ZFPM1: variants seen among roughly 807,000 people sequenced by gnomAD.
ZFPM1 encodes the protein zinc finger protein, FOG family member 1, also known as zinc finger protein ZFPM1.
A neutral mutation model predicts 46.3 loss-of-function variants in ZFPM1; 28 were observed. The ratio of observed to expected loss-of-function variants is 0.60; its 90% CI spans 0.45 to 0.83. ZFPM1 has a LOEUF of 0.83. Among genes scored for constraint, ZFPM1 ranks in the 40% least tolerant of loss-of-function variants. ZFPM1 has a pLI of 0.00. For synonymous variants in ZFPM1, 957 were observed against 675.9 expected (o/e 1.42, Z -6.45); for missense variants, 1,878 against 1,432.4 (o/e 1.31, Z -5.02).
rs201427325 is a variant in ZFPM1, at chr16:88,528,103, G to A, written c.577G>A (p.Glu193Lys). The A allele has an allele frequency of 2.7e-5, 43 of 1,582,148 alleles. No individual in the cohort carries two copies. In the Admixed American group the frequency reaches 3.1e-4, roughly 11 times the overall value. The change falls in exon 6 of 10, where the codon GAG becomes AAG. Residue 193 changes from glutamate to lysine, a missense_variant. Transcript: ENST00000319555. The part of the protein sequence containing the change: ...GGLLSVLLTA[E>K]PHSTPGHPVK... ...ACTCCTGAGCGTGCTCCTCACGGCC[G>A]AGCCCCACAGCACCCCCGGCCACCC...
At position 88,497,332 on chromosome 16, in the gene ZFPM1, A is replaced by G. The variant is rs1909985859; in HGVS notation, c.268+8179A>G. 6.6e-6 allele frequency among the ~76,000 whole-genome samples: 1 copy of G among 152,080 alleles called. No homozygotes were observed. The highest frequency in any genetic ancestry group is 6.5e-5 in the Admixed American group (1 of 15,304). On this transcript the variant is annotated intron_variant, in intron 3 of 9. Coordinates refer to ENST00000319555, the MANE Select transcript of ZFPM1 (RefSeq NM_153813.3). This position sits in a 1 kb window ranked among gnomAD's most constrained non-coding sequence, Gnocchi z 5.4. ...CAGTAGAGTGGGGTCGGGTGTGCAC[A>G]AGGAGCTGGCTCAGGGCCTGAGTTT...
rs893955692 is a variant in ZFPM1, at chr16:88,526,843, C to T, written c.432C>T (p.Asp144=). ...CAGCCCTGACCCTGCTGCTGGTGGA[C>T]GAGGCCTGCTGGCTGAGGACGCTGC... ...PSPALTLLLV[D]EACWLRTLPQ... The change falls in exon 5 of 10, where the codon GAC becomes GAT. Residue 144 remains aspartate, a synonymous_variant. Transcript: ENST00000319555. The T allele has an allele frequency of 2.8e-5, 43 of 1,546,504 alleles. No homozygotes were observed. The highest frequency in any genetic ancestry group is 3.7e-5 in the Non-Finnish European group (42 of 1,143,766).
intron 4 of ZFPM1, among the ~76,000 whole-genome samples, chr16:88,522,598 T>C (rs1567551224): frequency 5.9e-5 from 9 of 152,226 alleles, no homozygotes; most frequent in Admixed American, 4.6e-4. Flanking sequence ...AGATAGGGTT[T>C]CCGATGGCTA....
chr16:88,458,559 C>A (rs74032875), intron 1 of ZFPM1, among the ~76,000 whole-genome samples: 52 of 152,352 alleles, frequency 3.4e-4, no homozygotes, highest in African/African-American at 1.2e-3. Context: ...CGTTCCTGGG[C>A]TTGACGGGCT....
chr16:88,473,974 G>A (rs1263657380), intron 1 of ZFPM1, among the ~76,000 whole-genome samples: 1 of 152,244 alleles, frequency 6.6e-6, no homozygotes, highest in Non-Finnish European at 1.5e-5. Context: ...TCTATCAGTG[G>A]CTATCAGGCC....
chr16:88,464,549 G>T (rs1908043798), intron 1 of ZFPM1, among the ~76,000 whole-genome samples: 1 of 143,370 alleles, frequency 7.0e-6, no homozygotes, highest in African/African-American at 3.0e-5. Context: ...TTGCTCATAG[G>T]CCCACACCCA....
At chr16:88,474,096 G>A (rs976080605) in intron 1 of ZFPM1, among the ~76,000 whole-genome samples, 8 of 152,226 alleles carry the variant, frequency 5.3e-5, no homozygotes, top group African/African-American at 1.9e-4. Flanking sequence ...CGCACCGATA[G>A]GATGTGGACT....
chr16:88,472,901 CG>C (rs147472709), intron 1 of ZFPM1, among the ~76,000 whole-genome samples: 1,629 of 152,372 alleles, frequency 0.011, 21 homozygotes, highest in African/African-American at 0.037. Flanking sequence ...TGGTTTCAGG[CG>C]GGGCAGCAGG....
intron 3 of ZFPM1, among the ~76,000 whole-genome samples, chr16:88,510,183 G>A (rs932981422): frequency 2.0e-5 from 3 of 152,170 alleles, no homozygotes; most frequent in African/African-American, 7.2e-5. Flanking sequence ...GGTAAACTGA[G>A]GCTCAGAGCA....
chr16:88,470,295 C>T (rs1000719344), intron 1 of ZFPM1, among the ~76,000 whole-genome samples: 1 of 152,190 alleles, frequency 6.6e-6, no homozygotes, highest in Admixed American at 6.5e-5. Flanking sequence ...GGCGGGCAGC[C>T]TCTGGATGCC....
chr16:88,500,775 C>G (rs950096658), intron 3 of ZFPM1, among the ~76,000 whole-genome samples: 1 of 152,252 alleles, frequency 6.6e-6, no homozygotes, highest in African/African-American at 2.4e-5. Context: ...CCTGGGGCTG[C>G]TGGGGCAGGG....
At chr16:88,530,780 A>G (rs915314342) in intron 6 of ZFPM1, among the ~76,000 whole-genome samples, 8 of 152,224 alleles carry the variant, frequency 5.3e-5, no homozygotes, top group African/African-American at 1.9e-4. Flanking sequence ...CAGGTCTGGG[A>G]CCCAGCTCAA....
At chr16:88,522,825 C>G (rs1020180426) in intron 4 of ZFPM1, among the ~76,000 whole-genome samples, 2 of 152,200 alleles carry the variant, frequency 1.3e-5, no homozygotes, top group African/African-American at 2.4e-5. Flanking sequence ...GGTGCCGAGC[C>G]TGTGGCACCC....
At chr16:88,453,131 G>C (rs979663910), upstream of ZFPM1, among the ~76,000 whole-genome samples, 3 of 150,030 alleles carry the variant, frequency 2.0e-5, no homozygotes, top group African/African-American at 7.3e-5. Context: ...CGAAGAGCCG[G>C]GCTGGCGGGG....
intron 1 of ZFPM1, among the ~76,000 whole-genome samples, chr16:88,481,101 G>A (rs1171008404): frequency 6.6e-6 from 1 of 152,232 alleles, no homozygotes; most frequent in Non-Finnish European, 1.5e-5. Context: ...TTCCATTTCG[G>A]CGTCCGGCTT....
chr16:88,532,574 A>G, intron 7 of ZFPM1, 40 bp from the exon 8 acceptor site: 1 of 1,541,302 alleles, frequency 6.5e-7, no homozygotes, highest in Non-Finnish European at 8.8e-7. Context: ...CCCAAGGTTA[A>G]GCTGGCCCGG....
chr16:88,504,479 C>A lies in ZFPM1; in HGVS notation c.269-9908C>A, dbSNP rs1337879851. Reference sequence around the variant, plus strand: ...CCAGGGTGTTTAGCCTTCCAGAAGCCCAGAGAGGCCGCCAATCTCCCAGCT... The same window carrying A: ...CCAGGGTGTTTAGCCTTCCAGAAGCACAGAGAGGCCGCCAATCTCCCAGCT... On this transcript the variant is annotated intron_variant, in intron 3 of 9. Transcript: ENST00000319555. Among the ~76,000 whole-genome samples, 3 of 152,048 alleles carry A rather than the reference C, an allele frequency of 2.0e-5. No homozygotes were observed. The East Asian group carries it at 5.8e-4, about 29-fold the overall frequency.
chr16:88,478,279 C>T (rs1030853494), intron 1 of ZFPM1, among the ~76,000 whole-genome samples: 9 of 152,198 alleles, frequency 5.9e-5, no homozygotes, highest in Admixed American at 5.2e-4. Flanking sequence ...TCTAGTAAGC[C>T]GCACCCTCAC....
intron 3 of ZFPM1, among the ~76,000 whole-genome samples, chr16:88,496,240 G>A (rs1269536177): frequency 6.6e-6 from 1 of 152,176 alleles, no homozygotes; most frequent in African/African-American, 2.4e-5. Context: ...CTGGGCAGAG[G>A]TGAGAGGCCC....
Sources: allele counts gnomAD v4.1 joint callset (sites outside exome capture counted in the v4.1 genomes callset), GRCh38; gene constraint gnomAD v4.1.1; non-coding constraint Gnocchi (gnomAD v3.1); transcripts MANE v1.5; gene names NCBI Gene and HGNC (gene_info 2026-07-23, HGNC 2026-07-21).